The following RIPOR2 variants were observed in gnomAD, a reference collection of about 807,000 sequenced individuals.
RIPOR2 encodes the protein RHO family interacting cell polarization regulator 2.
RIPOR2 carries 39 observed loss-of-function variants against 114.5 expected under a neutral mutation model. That is an observed-to-expected ratio of 0.34 (90% confidence interval 0.26 to 0.44). RIPOR2 has a LOEUF of 0.44. RIPOR2 is among the 20% of genes least tolerant of loss of function. The pLI, the probability that RIPOR2 is intolerant of heterozygous loss-of-function variation, is 1.00. For synonymous variants in RIPOR2, 445 were observed against 484.4 expected (o/e 0.92, Z 1.07); for missense variants, 1,007 against 1,255.1 (o/e 0.80, Z 2.99).
intron 12 of RIPOR2, among the ~76,000 whole-genome samples, chr6:24,846,114 C>A (rs1762239970): frequency 6.6e-6 from 1 of 152,102 alleles, no homozygotes; most frequent in Non-Finnish European, 1.5e-5. Flanking sequence ...CCAACTCTCG[C>A]CCACAACCCC....
intron 1 of RIPOR2, among the ~76,000 whole-genome samples, chr6:25,026,232 G>A (rs9356954): frequency 0.21 from 31,913 of 152,026 alleles, 4,129 homozygotes; most frequent in East Asian, 0.59. Flanking sequence ...GTGAAAAAGA[G>A]AGGAAAATTG....
intron 1 of RIPOR2, among the ~76,000 whole-genome samples, chr6:24,990,522 T>C (rs1473298220): frequency 6.6e-6 from 1 of 152,204 alleles, no homozygotes; most frequent in Non-Finnish European, 1.5e-5. Flanking sequence ...AGTGGACTGA[T>C]TGGACTTATG....
intron 1 of RIPOR2, among the ~76,000 whole-genome samples, chr6:25,008,346 C>T (rs975815966): frequency 1.2e-4 from 19 of 152,210 alleles, no homozygotes; most frequent in African/African-American, 3.6e-4. Context: ...GGGAGATGGC[C>T]CTGGATCATG....
rs1379927227 is a variant in RIPOR2, at chr6:24,843,012, A to T, written c.1707T>A (p.Gly569=). Residue 569 remains glycine (G), a synonymous_variant, in exon 13 of 22, where the codon GGT becomes GGA. Transcript: ENST00000643898. ...AGGATCTGCAGCCTTCAGATTCTCC[A>T]CCAACAGAACCCTCAGAGAGCAGCC... The part of the protein sequence containing the change: ...TDRLLSEGSV[G]GESEGCRSFL... The T allele has an allele frequency of 6.3e-7, 1 of 1,598,808 alleles. No individual in the cohort carries two copies. Among genetic ancestry groups the T allele is most frequent in the Non-Finnish European group, 8.5e-7 (1 of 1,171,220 alleles).
chr6:24,949,345 G>A (rs1581860802), intron 1 of RIPOR2, among the ~76,000 whole-genome samples: 3 of 152,160 alleles, frequency 2.0e-5, no homozygotes, highest in African/African-American at 4.8e-5. Context: ...AAAGTATCAC[G>A]AGGTTGAAGC....
chr6:24,828,910 A>C (rs765436425), intron 17 of RIPOR2, among the ~76,000 whole-genome samples: 33 of 152,172 alleles, frequency 2.2e-4, no homozygotes, highest in Non-Finnish European at 3.5e-4. Flanking sequence ...CTTCATGTAA[A>C]TGGAATTATA....
At chr6:24,863,078 G>A (rs145521679) in intron 7 of RIPOR2, among the ~76,000 whole-genome samples, 1,910 of 151,788 alleles carry the variant, frequency 0.013, 18 homozygotes, top group Middle Eastern at 0.034. Flanking sequence ...TCAGCCTCAC[G>A]AGTAGCTGGG....
At chr6:24,966,638 T>C (rs144723848) in intron 1 of RIPOR2, among the ~76,000 whole-genome samples, 256 of 152,206 alleles carry the variant, frequency 1.7e-3, no homozygotes, top group Middle Eastern at 0.014. Flanking sequence ...GAAGTCATGT[T>C]ATGTGGGAGG....
upstream of RIPOR2, among the ~76,000 whole-genome samples, chr6:24,936,807 G>A (rs186480737): frequency 1.3e-5 from 2 of 152,198 alleles, no homozygotes; most frequent in Admixed American, 1.3e-4. Context: ...ACTTCATTTC[G>A]GGGTTTCCCA....
chr6:24,823,282 GT>G (rs1178236948), intron 19 of RIPOR2, among the ~76,000 whole-genome samples: 1 of 152,116 alleles, frequency 6.6e-6, no homozygotes, highest in East Asian at 1.9e-4. Context: ...TATGGAAAGG[GT>G]TCAGGCTTTG....
chr6:24,974,976 C>T (rs1773972523), intron 1 of RIPOR2, among the ~76,000 whole-genome samples: 1 of 152,070 alleles, frequency 6.6e-6, no homozygotes, highest in African/African-American at 2.4e-5. Flanking sequence ...CTGGTGGTTG[C>T]CAGGAGCTGG....
At chr6:24,984,867 C>A (rs1264706427) in intron 1 of RIPOR2, among the ~76,000 whole-genome samples, 3 of 152,132 alleles carry the variant, frequency 2.0e-5, no homozygotes, top group Admixed American at 6.5e-5. Context: ...TACCCTGGTA[C>A]CCTGGAACCC....
At chr6:24,904,831 G>T (rs1275643707) in intron 1 of RIPOR2, among the ~76,000 whole-genome samples, 1 of 152,204 alleles carries the variant, frequency 6.6e-6, no homozygotes, top group Non-Finnish European at 1.5e-5. Context: ...CTGGAGTGCA[G>T]TGGTGTGATC....
intron 1 of RIPOR2, among the ~76,000 whole-genome samples, chr6:24,977,955 C>G (rs541944382): frequency 1.3e-5 from 2 of 152,128 alleles, no homozygotes; most frequent in African/African-American, 2.4e-5. Context: ...CAAGGGCAGT[C>G]AGGGCCAGGT....
At chr6:24,912,507 C>T (rs1769731308) in intron 1 of RIPOR2, among the ~76,000 whole-genome samples, 1 of 109,120 alleles carries the variant, frequency 9.2e-6, no homozygotes, top group South Asian at 3.3e-4. Flanking sequence ...TTTATAGCAC[C>T]TTAGTTTACT....
rs754987736 is a variant in RIPOR2 at position 24,850,740 on chromosome 6, A to T, written c.760-18T>A. The stretch of plus-strand genomic sequence containing the variant: ...ATGAAAATCTGGAGAGGAGACATCC[A>T]AGGGCCTTCATGTCTTGCCACCCCC... On this transcript the variant is annotated intron_variant, in intron 9 of 21. Transcript: ENST00000643898. 1.9e-6 allele frequency: 3 copies of T among 1,613,244 alleles called. No homozygotes were observed. The highest frequency in any genetic ancestry group is 1.7e-5 in the Admixed American group (1 of 59,990).
intron 2 of RIPOR2, among the ~76,000 whole-genome samples, chr6:24,875,312 A>G (rs1285147044): frequency 2.6e-5 from 4 of 152,236 alleles, no homozygotes; most frequent in African/African-American, 9.6e-5. Flanking sequence ...TCTGAATTAC[A>G]TCTGCTCCCC....
chr6:25,022,390 G>C (rs1029466811), intron 1 of RIPOR2, among the ~76,000 whole-genome samples: 1 of 152,024 alleles, frequency 6.6e-6, no homozygotes, highest in African/African-American at 2.4e-5. Context: ...CCATGTGGTT[G>C]CATGCCTCAG....
intron 20 of RIPOR2, among the ~76,000 whole-genome samples, chr6:24,810,919 C>T (rs753142033): frequency 6.6e-6 from 1 of 152,168 alleles, no homozygotes; most frequent in Non-Finnish European, 1.5e-5. Flanking sequence ...ATTCTCCTGC[C>T]TCAGCCTCCT....
Sources: allele counts gnomAD v4.1 joint callset (sites outside exome capture counted in the v4.1 genomes callset), GRCh38; gene constraint gnomAD v4.1.1; transcripts MANE v1.5; gene names NCBI Gene and HGNC (gene_info 2026-07-23, HGNC 2026-07-21).